PXT1: variants seen among roughly 807,000 people sequenced by gnomAD.
The protein encoded by PXT1 is peroxisomal testis enriched protein 1, also known as peroxisomal testis-specific protein 1.
Under a neutral mutation model 11.0 loss-of-function variants are expected in PXT1, and 11 were observed. The ratio of observed to expected loss-of-function variants is 1.00; its 90% CI spans 0.63 to 1.66. PXT1 has a LOEUF of 1.66. Ranked by LOEUF, PXT1 falls within the 40% of genes most tolerant of loss-of-function variation. The probability of loss-of-function intolerance (pLI) is 0.00; values close to 1 mark genes in which losing one functional copy is unlikely to be tolerated. For synonymous variants in PXT1, 43 were observed against 51.4 expected, an observed-to-expected ratio of 0.84 and a Z score of 0.70; for missense variants, 141 against 155.5, an observed-to-expected ratio of 0.91 and a Z score of 0.49.
At chr6:36,405,913 A>G (rs1774282573) in intron 3 of PXT1, among the ~76,000 whole-genome samples, 1 of 152,222 alleles carries the variant, frequency 6.6e-6, no homozygotes, top group Admixed American at 6.5e-5. Flanking sequence ...TATACCGTCT[A>G]GCCTAGGTGT....
At chr6:36,420,956 G>A (rs546881481) in intron 3 of PXT1, among the ~76,000 whole-genome samples, 21 of 151,978 alleles carry the variant, frequency 1.4e-4, no homozygotes, top group Non-Finnish European at 2.2e-4. Context: ...TGGGAAGGCT[G>A]AGGCAAGAGG....
chr6:36,441,145 A>C (rs558748192), intron 1 of PXT1, among the ~76,000 whole-genome samples: 8 of 152,160 alleles, frequency 5.3e-5, no homozygotes, highest in Admixed American at 2.0e-4. Context: ...CAATATACAA[A>C]TCTACGGGAA....
At chr6:36,431,547 A>G (rs188332993) in intron 2 of PXT1, among the ~76,000 whole-genome samples, 4 of 152,254 alleles carry the variant, frequency 2.6e-5, no homozygotes, top group Admixed American at 2.6e-4. Flanking sequence ...TGGGCTGATC[A>G]CTTGAGATCA....
chr6:36,402,249 C>T (rs1446897868), intron 3 of PXT1, among the ~76,000 whole-genome samples: 1 of 152,150 alleles, frequency 6.6e-6, no homozygotes, highest in Non-Finnish European at 1.5e-5. Flanking sequence ...CTAAAGAATA[C>T]AGACAAGGTT....
At chr6:36,425,800 C>CAAAACAAACAAACAAACAAAAA (rs1554154110) in intron 3 of PXT1, 114 bp downstream of exon 3, 6 of 215,656 alleles carry the variant, frequency 2.8e-5, no homozygotes, top group African/African-American at 2.0e-4. Flanking sequence ...AAAACAAAAA[C>CAAAACAAACAAACAAACAAAAA]AAAAAATATA....
chr6:36,394,255 T>C (rs1774110144), intron 4 of PXT1, among the ~76,000 whole-genome samples: 1 of 152,236 alleles, frequency 6.6e-6, no homozygotes, highest in African/African-American at 2.4e-5. Flanking sequence ...GTAATCTCTC[T>C]GAAACTCCAT....
intron 2 of PXT1, among the ~76,000 whole-genome samples, chr6:36,432,545 A>C (rs76615668): frequency 0.017 from 2,604 of 152,248 alleles, 70 homozygotes; most frequent in African/African-American, 0.057. Context: ...GAAGAAGAAA[A>C]CAAGGAGAAG....
At chr6:36,415,001 T>A (rs895812618) in intron 3 of PXT1, among the ~76,000 whole-genome samples, 11 of 152,264 alleles carry the variant, frequency 7.2e-5, no homozygotes, top group African/African-American at 2.7e-4. Flanking sequence ...TGCCCTTTCA[T>A]AATCAAATTT....
At position 36,400,582 on chromosome 6, in the gene PXT1, G is replaced by A; in HGVS notation, c.172C>T (p.His58Tyr). Residue 58 changes from histidine (H) to tyrosine (Y), a missense_variant and splice_region_variant, in exon 4 of 5, where the codon CAT (histidine) becomes TAT (tyrosine). His to Tyr is a moderately conservative substitution (Grantham distance 83). Transcript: ENST00000454782. ...PVPAMSRNPD[H>Y]NLLSQPKEHS... is the part of the protein sequence containing the mutation. Reference sequence around the variant, plus strand: ...TCCTTGGGCTGAGAAAGTAGATTATGATCTGCATTGAGAAAAAAGAGTTCA... The same window carrying A: ...TCCTTGGGCTGAGAAAGTAGATTATAATCTGCATTGAGAAAAAAGAGTTCA... 1 of 1,611,928 alleles carries A rather than the reference G, an allele frequency of 6.2e-7. No individual in the cohort carries two copies. Among genetic ancestry groups the A allele is most frequent in the Non-Finnish European group, 8.5e-7 (1 of 1,179,348 alleles).
At chr6:36,422,024 G>T (rs564647526) in intron 3 of PXT1, among the ~76,000 whole-genome samples, 1 of 151,876 alleles carries the variant, frequency 6.6e-6, no homozygotes, top group Non-Finnish European at 1.5e-5. Context: ...CATATCCTAC[G>T]ATTTGTTACA....
chr6:36,436,111 G>GCCAAAAAAAAAAAAAAAAAAAAAAGAAA (rs1774759038), intron 2 of PXT1, among the ~76,000 whole-genome samples: 1 of 27,908 alleles, frequency 3.6e-5, no homozygotes, highest in Non-Finnish European at 7.5e-5. Context: ...AAAAAAGTAA[G>GCCAAAAAAAAAAAAAAAAAAAAAAGAAA]CCAAAAAAAA....
At chr6:36,399,406 C>T (rs1040166164) in intron 4 of PXT1, among the ~76,000 whole-genome samples, 3 of 152,244 alleles carry the variant, frequency 2.0e-5, no homozygotes, top group Non-Finnish European at 4.4e-5. Flanking sequence ...CTTGGCCTCC[C>T]AAAGTGCTGG....
At chr6:36,395,370 A>G (rs1774128638) in intron 4 of PXT1, among the ~76,000 whole-genome samples, 1 of 152,170 alleles carries the variant, frequency 6.6e-6, no homozygotes, top group African/African-American at 2.4e-5. Flanking sequence ...AGAGTACAAA[A>G]GGTAAATAAA....
chr6:36,428,876 G>A (rs553848521), intron 2 of PXT1, among the ~76,000 whole-genome samples: 21 of 151,914 alleles, frequency 1.4e-4, no homozygotes, highest in Non-Finnish European at 2.4e-4. Flanking sequence ...GGCTGGTCTC[G>A]GACTCCCAAC....
chr6:36,405,929 A>C (rs1338560482), intron 3 of PXT1, among the ~76,000 whole-genome samples: 1 of 152,212 alleles, frequency 6.6e-6, no homozygotes, highest in African/African-American at 2.4e-5. Flanking sequence ...GGTGTGTAGT[A>C]GGCTATACTA....
Position 36,391,743 on chromosome 6 carries a change from C to A in PXT1, c.*27G>T. The A allele has an allele frequency of 6.9e-7, 1 of 1,457,524 alleles. No homozygotes were observed. Among genetic ancestry groups the A allele is most frequent in the Non-Finnish European group, 9.6e-7 (1 of 1,038,036 alleles). 90.3% of individuals were successfully genotyped at this position (1,457,524 alleles called of 1,614,324 possible). On this transcript the variant is annotated 3_prime_UTR_variant, in exon 5 of 5. Coordinates refer to ENST00000454782, the MANE Select transcript of PXT1 (RefSeq NM_152990.4). ...CTCAGAGGGTAAAAAGAAAACAGAA[C>A]TTGACCACTTGACCTTTACTTTCCT...
chr6:36,398,547 A>T (rs74449895), intron 4 of PXT1, among the ~76,000 whole-genome samples: 2,109 of 152,342 alleles, frequency 0.014, 41 homozygotes, highest in African/African-American at 0.046. Flanking sequence ...CTGTAAAAAG[A>T]AGTAAAATAC....
At chr6:36,401,992 A>G (rs1774221712) in intron 3 of PXT1, among the ~76,000 whole-genome samples, 1 of 150,094 alleles carries the variant, frequency 6.7e-6, no homozygotes, top group African/African-American at 2.4e-5. Flanking sequence ...ATATTTTTTA[A>G]TAGACACAGG....
intron 3 of PXT1, among the ~76,000 whole-genome samples, chr6:36,423,240 T>G (rs1774547419): frequency 1.3e-5 from 2 of 152,230 alleles, no homozygotes; most frequent in African/African-American, 4.8e-5. Context: ...AATCTCCTGC[T>G]TCCTCAGTAA....
Sources: gnomAD v4.1 joint callset for allele counts (sites outside exome capture counted in the v4.1 genomes callset) on GRCh38, gnomAD v4.1.1 for gene constraint, MANE v1.5 for transcripts, NCBI Gene and HGNC (gene_info 2026-07-23, HGNC 2026-07-21) for gene names.